AGR3: variants seen among roughly 807,000 people sequenced by gnomAD.
AGR3 encodes anterior gradient 3, protein disulphide isomerase family member, also known as anterior gradient protein 3.
AGR3 carries 37 observed loss-of-function variants against 24.5 expected under a neutral mutation model. The observed-to-expected ratio is 1.51, with a 90% CI of 1.16 to 1.99. The LOEUF is 1.99. AGR3 is among the 30% of genes most tolerant of loss of function. The probability of loss-of-function intolerance (pLI) is 0.00; values close to 1 mark genes in which losing one functional copy is unlikely to be tolerated. For synonymous variants in AGR3, 75 were observed against 61.6 expected, an observed-to-expected ratio of 1.22 and a Z score of -1.02; for missense variants, 228 against 191.1, an observed-to-expected ratio of 1.19 and a Z score of -1.14.
rs1288015436 is a variant in AGR3 at position 16,862,640 on chromosome 7, G to A, written c.196C>T (p.His66Tyr). 2 of 1,545,310 alleles carry A rather than the reference G, an allele frequency of 1.3e-6. No individual in the cohort carries two copies. The highest frequency in any genetic ancestry group is 2.5e-5 in the East Asian group (1 of 39,914). Residue 66 changes from histidine to tyrosine, a missense_variant, in exon 4 of 8, where the codon CAT (histidine) becomes TAT (tyrosine). Coordinates refer to ENST00000310398, the MANE Select transcript of AGR3 (RefSeq NM_176813.5). The stretch of plus-strand genomic sequence containing the variant: ...GAGTATTGACAATCCTCCAGGTGAT[G>A]AATAACCATTAATGGCTTCTTACTA... ...QKSKKPLMVI[H>Y]HLEDCQYSQA...
At chr7:16,878,337 C>A (rs143640789) in intron 2 of AGR3, among the ~76,000 whole-genome samples, 173 bp downstream of exon 2, 1 of 152,090 alleles carries the variant, frequency 6.6e-6, no homozygotes, top group Non-Finnish European at 1.5e-5. Flanking sequence ...TGATTCACTG[C>A]CTAAAATAAA....
At chr7:16,869,389 T>G (rs7787787) in intron 3 of AGR3, among the ~76,000 whole-genome samples, 24,246 of 152,096 alleles carry the variant, frequency 0.16, 2,717 homozygotes, top group East Asian at 0.37. Context: ...ATTTATATAG[T>G]ATATATTTTT....
chr7:16,869,169 T>G (rs1381459848), intron 3 of AGR3, among the ~76,000 whole-genome samples: 1 of 152,208 alleles, frequency 6.6e-6, no homozygotes, highest in Non-Finnish European at 1.5e-5. Flanking sequence ...TGTGTTGTAA[T>G]CTATTCCTCT....
At chr7:16,873,249 CT>C (rs1562550312) in intron 3 of AGR3, among the ~76,000 whole-genome samples, 2 of 152,064 alleles carry the variant, frequency 1.3e-5, no homozygotes, top group East Asian at 3.9e-4. Context: ...TCACAGTGGA[CT>C]ACTACCCAGA....
intron 3 of AGR3, chr7:16,865,345 G>A: frequency 8.8e-7 from 1 of 1,141,174 alleles, no homozygotes; most frequent in African/African-American, 1.5e-5. Context: ...AGCACCTCTA[G>A]AGAAGTTTTG....
chr7:16,868,543 T>G (rs1781804601), intron 3 of AGR3, among the ~76,000 whole-genome samples: 1 of 152,170 alleles, frequency 6.6e-6, no homozygotes, highest in Non-Finnish European at 1.5e-5. Context: ...TTGAGTTTCT[T>G]GCATATTTGC....
At chr7:16,864,153 T>G in intron 3 of AGR3, 1 of 610,346 alleles carries the variant, frequency 1.6e-6, no homozygotes, top group East Asian at 3.5e-5. Flanking sequence ...GAACGGAGAA[T>G]TAACAAACTG....
chr7:16,867,378 A>T (rs1274959261), intron 3 of AGR3, among the ~76,000 whole-genome samples: 1 of 152,004 alleles, frequency 6.6e-6, no homozygotes, highest in Non-Finnish European at 1.5e-5. Context: ...TCAATAATCT[A>T]TTTATTTATT....
At chr7:16,866,390 A>G (rs1314750580) in intron 3 of AGR3, 1 of 306,246 alleles carries the variant, frequency 3.3e-6, no homozygotes, top group Admixed American at 4.1e-5. Context: ...AAAGCAGGTA[A>G]CTGTCCCTGA....
At chr7:16,864,384 A>C (rs1432330450) in intron 3 of AGR3, 1 of 1,305,582 alleles carries the variant, frequency 7.7e-7, no homozygotes, top group African/African-American at 1.5e-5. Context: ...TCAGAGGAAG[A>C]GACCAGGTTT....
At chr7:16,857,369 A>T (rs1490228913), downstream of AGR3, among the ~76,000 whole-genome samples, 1 of 152,050 alleles carries the variant, frequency 6.6e-6, no homozygotes, top group African/African-American at 2.4e-5. Flanking sequence ...ACAATTTATC[A>T]TTTAGTAACA....
intron 1 of AGR3, among the ~76,000 whole-genome samples, chr7:16,879,854 A>G (rs1391845357): frequency 6.6e-6 from 1 of 152,226 alleles, no homozygotes; most frequent in Non-Finnish European, 1.5e-5. Flanking sequence ...GCAGTCGTGG[A>G]GGAGAACAAC....
intron 1 of AGR3, among the ~76,000 whole-genome samples, chr7:16,881,425 G>A (rs1782114535): frequency 6.6e-6 from 1 of 152,108 alleles, no homozygotes; most frequent in Non-Finnish European, 1.5e-5. Context: ...AACTGCTGAG[G>A]GTCCTTTAGT....
rs146950981 is a variant in AGR3 at position 16,878,006 on chromosome 7, C to G, written c.109+504G>C. On this transcript the variant is annotated intron_variant, in intron 2 of 7. Transcript: ENST00000310398. ...AGCCACCGGCAATCCTTGATTATGT[C>G]TAAAACCACTGTCTTCCAGAGTCAA... is the stretch of plus-strand genomic sequence containing the variant. Among the ~76,000 whole-genome samples the G allele has an allele frequency of 9.1e-3, 1,378 of 152,170 alleles. 15 individuals are homozygous for G. The highest frequency in any genetic ancestry group is 0.031 in the African/African-American group (1,274 of 41,508).
chr7:16,864,529 C>T (rs1297297630), intron 3 of AGR3: 7 of 1,309,414 alleles, frequency 5.3e-6, no homozygotes, highest in South Asian at 4.7e-5. Context: ...TTTCAGTCTT[C>T]CGAAGTGTTG....
At chr7:16,877,484 T>C (rs192406847) in intron 2 of AGR3, among the ~76,000 whole-genome samples, 99 of 151,876 alleles carry the variant, frequency 6.5e-4, no homozygotes, top group African/African-American at 2.4e-3. Flanking sequence ...TACTTTGTGG[T>C]AATACTGCTG....
intron 2 of AGR3, 75 bp from the exon 3 acceptor site, chr7:16,873,918 G>C: frequency 9.1e-7 from 1 of 1,104,036 alleles, no homozygotes; most frequent in Non-Finnish European, 1.4e-6. Context: ...CTAATAATCA[G>C]ATATCTACCT....
chr7:16,862,096 G>T lies in AGR3; in HGVS notation c.227-36C>A, dbSNP rs373495381. ...AAACAAAATTGCCAGTTAGTTTTAA[G>T]GATCAAGAGACCTTTAATGTAACAT... is the stretch of plus-strand genomic sequence containing the variant. On this transcript the variant is annotated intron_variant, in intron 4 of 7. Coordinates refer to ENST00000310398, the MANE Select transcript of AGR3 (RefSeq NM_176813.5). 1.6e-5 allele frequency: 24 copies of T among 1,480,150 alleles called. No individual in the cohort carries two copies. The African/African-American group carries it at 3.2e-4, about 20-fold the overall frequency. The allele number at this position is 1,480,150 out of a possible 1,614,324, so 91.7% of individuals were successfully genotyped here. A position where few individuals can be genotyped will look rare whatever the true frequency, so the allele number is the denominator to read the frequency against.
At chr7:16,874,155 C>G (rs1459815551) in intron 2 of AGR3, among the ~76,000 whole-genome samples, 1 of 152,138 alleles carries the variant, frequency 6.6e-6, no homozygotes, top group African/African-American at 2.4e-5. Context: ...AAAGCTGTGG[C>G]TTTAGGAACG....
Sources: allele counts gnomAD v4.1 joint callset (sites outside exome capture counted in the v4.1 genomes callset), GRCh38; gene constraint gnomAD v4.1.1; transcripts MANE v1.5; gene names NCBI Gene and HGNC (gene_info 2026-07-23, HGNC 2026-07-21).